The following MKLN1 variants were observed in gnomAD, a reference collection of about 807,000 sequenced individuals.
The protein encoded by MKLN1 is muskelin.
In MKLN1, 18 loss-of-function variants were observed where a neutral mutation model predicts 99.0. That is an observed-to-expected ratio of 0.18 (90% CI 0.13 to 0.27). MKLN1 has a LOEUF of 0.27. MKLN1 is among the 10% of genes least tolerant of loss of function. MKLN1 has a pLI of 1.00. For missense variants in MKLN1, 621 were observed against 875.9 expected, an observed-to-expected ratio of 0.71 and a Z score of 3.67; for synonymous variants, 288 against 293.2, an observed-to-expected ratio of 0.98 and a Z score of 0.18.
At chr7:131,240,844 A>G (rs1403055269) in intron 3 of MKLN1, among the ~76,000 whole-genome samples, 3 of 152,244 alleles carry the variant, frequency 2.0e-5, no homozygotes, top group Non-Finnish European at 4.4e-5. Context: ...TTAAGAAAAA[A>G]GAATGATTCA....
At chr7:131,153,664 G>GTTTTTTTT (rs11464377) in intron 2 of MKLN1, among the ~76,000 whole-genome samples, 2 of 139,548 alleles carry the variant, frequency 1.4e-5, no homozygotes, top group African/African-American at 5.4e-5. Flanking sequence ...GTTTTTTTTG[G>GTTTTTTTT]TTTTTTTTTT....
intron 2 of MKLN1, among the ~76,000 whole-genome samples, chr7:131,383,396 A>G (rs889153657): frequency 5.3e-5 from 8 of 152,134 alleles, no homozygotes; most frequent in Admixed American, 4.6e-4. Flanking sequence ...TTGAAAGCCC[A>G]ATCCCAATTA....
chr7:131,297,830 G>A (rs925620041), intron 3 of MKLN1, among the ~76,000 whole-genome samples: 6 of 152,152 alleles, frequency 3.9e-5, no homozygotes, highest in South Asian at 4.1e-4. Flanking sequence ...TTTGATCAGA[G>A]CAGTTACCAA....
chr7:131,236,788 C>T (rs1302890578), intron 3 of MKLN1, among the ~76,000 whole-genome samples: 1 of 151,836 alleles, frequency 6.6e-6, no homozygotes, highest in Non-Finnish European at 1.5e-5. Context: ...AGTTTAAGAC[C>T]AGCTTGGGCA....
At chr7:131,247,235 CTTTTTTT>C (rs72068521) in intron 3 of MKLN1, among the ~76,000 whole-genome samples, 39,157 of 141,168 alleles carry the variant, frequency 0.28, 6,315 homozygotes, top group East Asian at 0.5. Flanking sequence ...TTTCTTTTTT[CTTTTTTT>C]TTTTTTTGTC....
chr7:131,166,634 C>T (rs1264114798), intron 2 of MKLN1, among the ~76,000 whole-genome samples: 8 of 152,292 alleles, frequency 5.3e-5, no homozygotes, highest in South Asian at 2.1e-4. Flanking sequence ...CCTCTTTCCT[C>T]GGGCAGTTCT....
At position 131,353,779 on chromosome 7, in the gene MKLN1, AT is replaced by A. The variant is rs1313554271; in HGVS notation, c.99-21638del. On this transcript the variant is annotated intron_variant, in intron 1 of 17. Coordinates refer to ENST00000352689, the MANE Select transcript of MKLN1 (RefSeq NM_013255.5). ...TTACATTTTCATTCATGATTCATTA[AT>A]TTTTTTAATGAAGTATGAGTTTTAG... Among the ~76,000 whole-genome samples the A allele has an allele frequency of 3.4e-5, 5 of 147,174 alleles. No homozygotes were observed. The Admixed American group carries it at 3.4e-4, about 10-fold the overall frequency.
intron 2 of MKLN1, among the ~76,000 whole-genome samples, chr7:131,199,996 C>G (rs1796704098): frequency 6.6e-6 from 1 of 152,132 alleles, no homozygotes; most frequent in Non-Finnish European, 1.5e-5. Context: ...CTGCACCCAG[C>G]CTTGTAATTT....
At chr7:131,263,635 G>A (rs181792714) in intron 3 of MKLN1, among the ~76,000 whole-genome samples, 68 of 151,002 alleles carry the variant, frequency 4.5e-4, no homozygotes, top group African/African-American at 1.5e-3. Flanking sequence ...GCAGTGGCAC[G>A]ATCTCGGCTC....
At chr7:131,458,754 C>G (rs1796423193) in intron 12 of MKLN1, among the ~76,000 whole-genome samples, 1 of 151,822 alleles carries the variant, frequency 6.6e-6, no homozygotes, top group Non-Finnish European at 1.5e-5. Context: ...CTTTAAAATT[C>G]TCTTATTTTG....
rs1307894577 is a variant in MKLN1 at position 131,493,851 on chromosome 7, A to C, written c.*6123A>C. 1 of 152,208 alleles carries C rather than the reference A, an allele frequency of 6.6e-6. No individual in the cohort carries two copies. The highest frequency in any genetic ancestry group is 1.5e-5 in the Non-Finnish European group (1 of 68,046). The allele number at this position is 152,208 out of a possible 1,614,324, so 9.4% of individuals were successfully genotyped here. On this transcript the variant is annotated 3_prime_UTR_variant, in exon 18 of 18. Transcript: ENST00000352689. The stretch of plus-strand genomic sequence containing the variant: ...CCACACAAAGCCTGAGGAGATCATC[A>C]TTCTTCAGTTTCATTCATTACTTAA...
intron 3 of MKLN1, among the ~76,000 whole-genome samples, chr7:131,227,970 G>C (rs1797182822): frequency 6.6e-6 from 1 of 152,220 alleles, no homozygotes; most frequent in South Asian, 2.1e-4. Flanking sequence ...CTGTCCCCCA[G>C]TAGGGCCCAG....
intron 2 of MKLN1, among the ~76,000 whole-genome samples, chr7:131,194,696 A>G (rs919895487): frequency 1.3e-5 from 2 of 152,162 alleles, no homozygotes. Flanking sequence ...AAGCTTAACA[A>G]CTTCACAGAG....
intron 15 of MKLN1, among the ~76,000 whole-genome samples, chr7:131,468,953 G>T (rs775850012): frequency 6.6e-6 from 1 of 152,166 alleles, no homozygotes; most frequent in Non-Finnish European, 1.5e-5. Context: ...GGGAATTAAG[G>T]CACCTTCTCA....
chr7:131,316,955 A>G (rs1484684450), intron 3 of MKLN1, among the ~76,000 whole-genome samples: 1 of 152,238 alleles, frequency 6.6e-6, no homozygotes, highest in African/African-American at 2.4e-5. Context: ...ATATGGGGCT[A>G]TGTGAAAAGA....
chr7:131,463,171 T>C, intron 12 of MKLN1, 46 bp from the exon 13 acceptor site: 1 of 1,426,220 alleles, frequency 7.0e-7, no homozygotes, highest in South Asian at 1.2e-5. Flanking sequence ...AATACTAATC[T>C]ATCTAATGTG....
Position 131,470,440 on chromosome 7 carries a change from A to T in MKLN1, c.1929-402A>T, listed in dbSNP as rs1363112559. On this transcript the variant is annotated intron_variant, in intron 15 of 17. Transcript: ENST00000352689. ...AGCATCTCCATTAGAAAATACACAA[A>T]TCTAAGCAAGTGTTTTTATTTTTAT... 2.6e-5 allele frequency among the ~76,000 whole-genome samples: 4 copies of T among 152,322 alleles called. No homozygotes were observed. The Middle Eastern group carries it at 0.01, about 389-fold the overall frequency.
intron 2 of MKLN1, 90 bp from the exon 3 acceptor site, chr7:131,387,030 A>G (rs1226848320): frequency 8.2e-7 from 1 of 1,214,812 alleles, no homozygotes; most frequent in Non-Finnish European, 1.1e-6. Context: ...TGGACCTTAT[A>G]CATTCTTCTG....
intron 1 of MKLN1, among the ~76,000 whole-genome samples, chr7:131,363,218 A>G (rs1477996131): frequency 2.6e-5 from 4 of 151,244 alleles, no homozygotes; most frequent in Admixed American, 2.0e-4. Flanking sequence ...TTTTTTTTTT[A>G]ATTGCACTTT....
Sources: allele counts gnomAD v4.1 joint callset (sites outside exome capture counted in the v4.1 genomes callset), GRCh38; gene constraint gnomAD v4.1.1; transcripts MANE v1.5; gene names NCBI Gene and HGNC (gene_info 2026-07-23, HGNC 2026-07-21).